Variants in UGGT2 observed in about 807,000 individuals in gnomAD.
The protein encoded by UGGT2 is UDP-glucose:glycoprotein glucosyltransferase 2.
Under a neutral mutation model 192.1 loss-of-function variants are expected in UGGT2, and 180 were observed. The observed-to-expected ratio is 0.94, with a 90% CI of 0.83 to 1.06. The LOEUF (loss-of-function observed/expected upper bound fraction) is 1.06, where lower values mean the gene tolerates loss of function less well. Ranked by LOEUF, UGGT2 falls within the 50% of genes least tolerant of loss-of-function variation. The pLI, the probability that UGGT2 is intolerant of heterozygous loss-of-function variation, is 0.00. For synonymous variants in UGGT2, 580 were observed against 591.0 expected (o/e 0.98, Z 0.27); for missense variants, 1,849 against 1,795.7 (o/e 1.03, Z -0.54).
chr13:95,973,560 T>G (rs28625167), intron 10 of UGGT2, among the ~76,000 whole-genome samples: 11,000 of 152,272 alleles, frequency 0.072, 685 homozygotes, highest in African/African-American at 0.16. Flanking sequence ...TATTTGATTT[T>G]TCACTGTCTT....
At position 95,824,431 on chromosome 13, in the gene UGGT2, T is replaced by C. The variant is rs561285750; in HGVS notation, c.4528+8496A>G. ...CTTCTTCCTCAGGAACACCAATTAT[T>C]CTTAGGTTTGGATGTTTTACATAAT... On this transcript the variant is annotated intron_variant, in intron 38 of 38. Coordinates refer to ENST00000376747, the MANE Select transcript of UGGT2 (RefSeq NM_020121.4). Among the ~76,000 whole-genome samples, 22 of 152,304 alleles carry C rather than the reference T, an allele frequency of 1.4e-4. No homozygotes were observed. The South Asian group carries it at 3.3e-3, about 23-fold the overall frequency.
intron 26 of UGGT2, chr13:95,887,407 G>A (rs1261340280): frequency 4.5e-6 from 2 of 442,146 alleles, no homozygotes; most frequent in East Asian, 1.3e-4. Flanking sequence ...GAGAGAGAAT[G>A]TTATTTCAAC....
chr13:95,952,055 C>CAA (rs34833403), intron 12 of UGGT2, among the ~76,000 whole-genome samples: 103 of 143,642 alleles, frequency 7.2e-4, no homozygotes, highest in Middle Eastern at 3.5e-3. Context: ...GAGACTGTCT[C>CAA]AAAAAAAAAA....
intron 38 of UGGT2, among the ~76,000 whole-genome samples, chr13:95,828,971 A>T (rs1886353359): frequency 6.6e-6 from 1 of 152,198 alleles, no homozygotes; most frequent in Admixed American, 6.5e-5. Context: ...CTTATCCACC[A>T]TGATCAAGTG....
rs771131555 is a variant in UGGT2, at chr13:95,970,108, T to A, written c.1335+4A>T. On this transcript the variant is annotated splice_donor_region_variant and intron_variant, in intron 12 of 38. Transcript: ENST00000376747. Reference sequence around the variant, plus strand: ...TTAGAACAAGGAATAGCATAAGCACTTACCATTATAGAAGAATGTCGAATA... The same window carrying A: ...TTAGAACAAGGAATAGCATAAGCACATACCATTATAGAAGAATGTCGAATA... 1 of 1,601,778 alleles carries A rather than the reference T, an allele frequency of 6.2e-7. No homozygotes were observed. Among genetic ancestry groups the A allele is most frequent in the Non-Finnish European group, 8.5e-7 (1 of 1,169,762 alleles).
At chr13:96,025,879 A>C (rs2052649147) in intron 2 of UGGT2, among the ~76,000 whole-genome samples, 1 of 152,192 alleles carries the variant, frequency 6.6e-6, no homozygotes, top group African/African-American at 2.4e-5. Context: ...ACACTGTGGA[A>C]AACAGTAGGA....
chr13:95,984,140 T>C (rs1446910280), intron 9 of UGGT2, among the ~76,000 whole-genome samples: 4 of 152,208 alleles, frequency 2.6e-5, no homozygotes, highest in African/African-American at 7.2e-5. Context: ...AACACTTCAT[T>C]GAAAAAGCTG....
chr13:95,936,712 G>A (rs1420052441), intron 17 of UGGT2, among the ~76,000 whole-genome samples: 1 of 152,196 alleles, frequency 6.6e-6, no homozygotes, highest in African/African-American at 2.4e-5. Flanking sequence ...GATCTGCCTG[G>A]GCATGGAGTA....
chr13:96,008,125 G>A (rs9556516), intron 5 of UGGT2, among the ~76,000 whole-genome samples: 59,094 of 151,950 alleles, frequency 0.39, 11,722 homozygotes, highest in Middle Eastern at 0.44. Flanking sequence ...CATTGGTCTG[G>A]GCAAAAATGT....
At chr13:96,047,608 AC>A (rs962864838) in intron 1 of UGGT2, among the ~76,000 whole-genome samples, 2 of 152,226 alleles carry the variant, frequency 1.3e-5, no homozygotes, top group Admixed American at 1.3e-4. Context: ...TGAGAGAGAC[AC>A]ACATAGGCTC....
intron 38 of UGGT2, among the ~76,000 whole-genome samples, chr13:95,803,060 T>G (rs921358462): frequency 6.6e-6 from 1 of 151,998 alleles, no homozygotes; most frequent in Non-Finnish European, 1.5e-5. Context: ...GGTCTCGATC[T>G]CCTGACCTCG....
At chr13:95,926,926 C>T in intron 19 of UGGT2, 102 bp downstream of exon 19, 1 of 1,132,338 alleles carries the variant, frequency 8.8e-7, no homozygotes, top group Middle Eastern at 2.9e-4. Flanking sequence ...TAGGCCTCTA[C>T]TCAAAAATAG....
At chr13:95,929,002 G>A (rs954072607) in intron 17 of UGGT2, among the ~76,000 whole-genome samples, 4 of 152,124 alleles carry the variant, frequency 2.6e-5, no homozygotes, top group Admixed American at 1.3e-4. Flanking sequence ...AGACCAGCCC[G>A]GCCAACACAG....
At chr13:95,940,381 GTATAA>G (rs1454407709) in intron 15 of UGGT2, among the ~76,000 whole-genome samples, 1 of 149,132 alleles carries the variant, frequency 6.7e-6, no homozygotes, top group Non-Finnish European at 1.5e-5. Flanking sequence ...TTTAATGTAT[GTATAA>G]TATATTCTAA....
chr13:95,947,287 C>G, intron 14 of UGGT2, 115 bp from the exon 15 acceptor site: 1 of 1,114,422 alleles, frequency 9.0e-7, no homozygotes. Flanking sequence ...TATTAATAGA[C>G]AGAGAAAAGG....
At chr13:95,959,872 C>A (rs904212876) in intron 12 of UGGT2, among the ~76,000 whole-genome samples, 17 of 152,174 alleles carry the variant, frequency 1.1e-4, no homozygotes, top group African/African-American at 4.1e-4. Context: ...CAAGGCTCAA[C>A]CCACCATCGC....
At chr13:95,930,251 T>C (rs2049202100) in intron 17 of UGGT2, among the ~76,000 whole-genome samples, 1 of 152,190 alleles carries the variant, frequency 6.6e-6, no homozygotes, top group African/African-American at 2.4e-5. Flanking sequence ...GAGTTTCTTT[T>C]GTTGTACTCT....
Position 95,891,214 on chromosome 13 carries a change from TC to T in UGGT2, c.2856-251del, listed in dbSNP as rs369568501. ...TTTTTAAAAGCCTTTCAAAGAATGA[TC>T]CCATTAGTGTAAAAACTCTGATAAT... On this transcript the variant is annotated intron_variant, in intron 24 of 38. Coordinates refer to ENST00000376747, the MANE Select transcript of UGGT2 (RefSeq NM_020121.4). Among the ~76,000 whole-genome samples the T allele has an allele frequency of 2.7e-3, 418 of 152,256 alleles. 2 individuals carry two copies. Among genetic ancestry groups the T allele is most frequent in the African/African-American group, 9.6e-3 (400 of 41,562 alleles).
At chr13:95,994,148 A>G (rs748629183) in intron 7 of UGGT2, among the ~76,000 whole-genome samples, 12 of 152,210 alleles carry the variant, frequency 7.9e-5, no homozygotes, top group Admixed American at 2.0e-4. Context: ...AAAGTTCTAG[A>G]TTCTATAAAG....
Sources: gnomAD v4.1 joint callset for allele counts (sites outside exome capture counted in the v4.1 genomes callset) on GRCh38, gnomAD v4.1.1 for gene constraint, MANE v1.5 for transcripts, NCBI Gene and HGNC (gene_info 2026-07-23, HGNC 2026-07-21) for gene names.